The following HDX variants were observed in gnomAD, a reference collection of about 807,000 sequenced individuals.
The protein encoded by HDX is chromosome X open reading frame 43.
A neutral mutation model predicts 45.2 loss-of-function variants in HDX; 19 were observed. The ratio of observed to expected loss-of-function variants is 0.42; its 90% confidence interval spans 0.29 to 0.62. HDX has a LOEUF of 0.62. Ranked by LOEUF, HDX falls within the 20% of genes least tolerant of loss-of-function variation. The pLI is 0.20. For synonymous variants in HDX, 188 were observed against 172.8 expected, an observed-to-expected ratio of 1.09 and a Z score of -0.69; for missense variants, 532 against 493.9, an observed-to-expected ratio of 1.08 and a Z score of -0.73.
At chrX:84,396,513 C>A (rs756833394) in intron 5 of HDX, among the ~76,000 whole-genome samples, 60 of 111,851 alleles carry the variant, frequency 5.4e-4, no homozygotes, top group African/African-American at 1.8e-3. Flanking sequence ...GATTCTTGGG[C>A]CTCTACATTG....
chrX:84,425,364 G>A (rs1362338514), intron 5 of HDX, among the ~76,000 whole-genome samples: 1 of 111,716 alleles, frequency 9.0e-6, no homozygotes, highest in Non-Finnish European at 1.9e-5. Context: ...TACAATGTTG[G>A]TAGAAATGTA....
At chrX:84,486,087 C>G (rs1299873089) in intron 2 of HDX, among the ~76,000 whole-genome samples, 3 of 111,626 alleles carry the variant, frequency 2.7e-5, no homozygotes, top group African/African-American at 9.8e-5. Context: ...TTGTTGTTTT[C>G]TGTTTGTCCC....
chrX:84,338,718 A>T (rs1273857436), intron 7 of HDX, among the ~76,000 whole-genome samples: 2 of 110,268 alleles, frequency 1.8e-5, no homozygotes, highest in Non-Finnish European at 3.8e-5. Flanking sequence ...GATATGGTTT[A>T]TGTCTGTGTC....
intron 5 of HDX, among the ~76,000 whole-genome samples, chrX:84,426,127 T>G (rs1452387246): frequency 2.7e-5 from 3 of 110,391 alleles, no homozygotes; most frequent in African/African-American, 9.9e-5. Context: ...ATTAAAAAAT[T>G]TTAAGAAAAA....
chrX:84,351,695 A>C (rs1239147373), intron 6 of HDX, among the ~76,000 whole-genome samples: 2 of 111,319 alleles, frequency 1.8e-5, no homozygotes, highest in Non-Finnish European at 3.8e-5. Context: ...AAAACCCAGG[A>C]AACTCACCAT....
chrX:84,418,207 A>G (rs1157453640), intron 5 of HDX, among the ~76,000 whole-genome samples: 1 of 111,891 alleles, frequency 8.9e-6, no homozygotes, highest in African/African-American at 3.3e-5. Flanking sequence ...AATCAGAGAA[A>G]AGTTACACAA....
intron 6 of HDX, among the ~76,000 whole-genome samples, chrX:84,356,768 G>T (rs890302665): frequency 1.0e-3 from 110 of 109,047 alleles, no homozygotes; most frequent in Middle Eastern, 4.7e-3. Context: ...GACTATAGGC[G>T]CCCGCCACCA....
At chrX:84,436,846 G>A (rs1325542639) in intron 5 of HDX, among the ~76,000 whole-genome samples, 2 of 89,793 alleles carry the variant, frequency 2.2e-5, no homozygotes, top group African/African-American at 8.3e-5. Context: ...TTTTTTTTTT[G>A]TCCATGGTGC....
intron 5 of HDX, among the ~76,000 whole-genome samples, chrX:84,405,646 C>CTA (rs368481208): frequency 0.026 from 2,052 of 78,416 alleles, 82 homozygotes; most frequent in African/African-American, 0.082. Context: ...GCCTCACAAG[C>CTA]TATATATATA....
intron 5 of HDX, among the ~76,000 whole-genome samples, chrX:84,432,892 G>A (rs955695515): frequency 9.0e-6 from 1 of 111,077 alleles, no homozygotes; most frequent in Admixed American, 9.6e-5. Context: ...GGGCATTCTT[G>A]TGTTGCTCTG....
chrX:84,372,902 T>G (rs753031636), intron 5 of HDX, among the ~76,000 whole-genome samples: 1 of 111,495 alleles, frequency 9.0e-6, no homozygotes, highest in African/African-American at 3.3e-5. Context: ...TACCCCTAAA[T>G]CTCCTCAGGT....
At position 84,320,552 on chromosome X, in the gene HDX, A is replaced by G. The variant is rs867712384; in HGVS notation, c.*1337T>C. 1 of 111,257 alleles carries G rather than the reference A, an allele frequency of 9.0e-6. No homozygotes were observed. Among genetic ancestry groups the G allele is most frequent in the South Asian group, 3.7e-4 (1 of 2,715 alleles). 9.2% of individuals were successfully genotyped at this position (111,257 alleles called of 1,213,427 possible). ...TACTAGGTACCAACAAAAATTAAAA[A>G]CAAATTGGAAACAGAAACTTGATGG... is the stretch of plus-strand genomic sequence containing the variant. On this transcript the variant is annotated 3_prime_UTR_variant, in exon 11 of 11. Transcript: ENST00000373177.
intron 4 of HDX, among the ~76,000 whole-genome samples, chrX:84,449,531 A>G (rs1158152008): frequency 8.9e-6 from 1 of 112,230 alleles, no homozygotes; most frequent in African/African-American, 3.2e-5. Context: ...GCTGAAAGAA[A>G]AACAACCCTG....
chrX:84,385,232 G>C (rs1306471777), intron 5 of HDX, among the ~76,000 whole-genome samples: 18 of 41,981 alleles, frequency 4.3e-4, no homozygotes, highest in African/African-American at 2.2e-3. Context: ...TTTTTTTTTT[G>C]AGACGGAGTC....
At chrX:84,476,813 C>A (rs1444882512) in intron 2 of HDX, among the ~76,000 whole-genome samples, 1 of 111,582 alleles carries the variant, frequency 9.0e-6, no homozygotes, top group Admixed American at 9.6e-5. Context: ...ACTTTCTTGT[C>A]CGCACAAGCA....
At chrX:84,411,383 G>T (rs769638888) in intron 5 of HDX, among the ~76,000 whole-genome samples, 1 of 111,687 alleles carries the variant, frequency 9.0e-6, no homozygotes, top group Non-Finnish European at 1.9e-5. Flanking sequence ...TAGTTTCAAA[G>T]AATTTCTTGA....
At chrX:84,457,171 A>G (rs1220705497) in intron 4 of HDX, among the ~76,000 whole-genome samples, 1 of 111,795 alleles carries the variant, frequency 8.9e-6, no homozygotes, top group Admixed American at 9.5e-5. Context: ...TTATTTTGAC[A>G]TAACTATGCT....
At position 84,422,731 on chromosome X, in the gene HDX, C is replaced by T. The variant is rs1452926301; in HGVS notation, c.1305+17801G>A. Reference sequence around the variant, plus strand: ...TCACCCAGGCTGGAGTGCAGTGGTGCGATCTCTGCTCACTGCAAGCTCCGC... The same window carrying T: ...TCACCCAGGCTGGAGTGCAGTGGTGTGATCTCTGCTCACTGCAAGCTCCGC... On this transcript the variant is annotated intron_variant, in intron 5 of 10. Transcript: ENST00000373177. Among the ~76,000 whole-genome samples, 4 of 83,706 alleles carry T rather than the reference C, an allele frequency of 4.8e-5. No individual in the cohort carries two copies. In the East Asian group the frequency reaches 1.3e-3, roughly 27 times the overall value. The allele number at this position is 83,706 out of a possible 115,157, so 72.7% of individuals were successfully genotyped here. A position where few individuals can be genotyped will look rare whatever the true frequency, so the allele number is the denominator to read the frequency against.
At chrX:84,403,358 A>G (rs557089202) in intron 5 of HDX, among the ~76,000 whole-genome samples, 12 of 111,518 alleles carry the variant, frequency 1.1e-4, no homozygotes, top group Admixed American at 1.1e-3. Context: ...GATGGAATTA[A>G]GACTCCTAAA....
Sources: allele counts gnomAD v4.1 joint callset (sites outside exome capture counted in the v4.1 genomes callset), GRCh38; gene constraint gnomAD v4.1.1; transcripts MANE v1.5; gene names NCBI Gene and HGNC (gene_info 2026-07-23, HGNC 2026-07-21).